Variants in EDARADD observed in about 807,000 individuals in gnomAD.
The protein encoded by EDARADD is ectodysplasin-A receptor-associated adapter protein.
Under a neutral mutation model 25.6 loss-of-function variants are expected in EDARADD, and 20 were observed. That is an observed-to-expected ratio of 0.78 (90% CI 0.55 to 1.14). The LOEUF (loss-of-function observed/expected upper bound fraction) is 1.14. Ranked by LOEUF, EDARADD falls within the 50% of genes most tolerant of loss-of-function variation. The pLI is 0.00. For synonymous variants in EDARADD, 86 were observed against 94.4 expected (o/e 0.91, Z 0.52); for missense variants, 225 against 270.1 (o/e 0.83, Z 1.17).
rs753187987 is a variant in EDARADD, at chr1:236,484,065, T to A, written c.*1416T>A. 6 of 1,576,634 alleles carry A rather than the reference T, an allele frequency of 3.8e-6. No individual in the cohort carries two copies. Among genetic ancestry groups the A allele is most frequent in the Non-Finnish European group, 5.2e-6 (6 of 1,147,406 alleles). On this transcript the variant is annotated 3_prime_UTR_variant, in exon 6 of 6. Coordinates refer to ENST00000334232, the MANE Select transcript of EDARADD (RefSeq NM_145861.4). The surrounding 1 kb of genome is among the most constrained non-coding windows in gnomAD (Gnocchi z 4.1). ...TGAAGATCCCTTTGACCAGGATGACTGGGGAGCTTGGCAGAAGTTCACGGC... is the reference window on the plus strand; with the variant it reads ...TGAAGATCCCTTTGACCAGGATGACAGGGGAGCTTGGCAGAAGTTCACGGC...
At chr1:236,445,920 G>A (rs1323829474) in intron 4 of EDARADD, among the ~76,000 whole-genome samples, 1 of 152,142 alleles carries the variant, frequency 6.6e-6, no homozygotes, top group Non-Finnish European at 1.5e-5. Context: ...CACCCCTGTT[G>A]GAACCAATCA....
chr1:236,392,827 G>A (rs751752621), upstream of EDARADD, among the ~76,000 whole-genome samples: 12 of 152,012 alleles, frequency 7.9e-5, no homozygotes, highest in Non-Finnish European at 1.5e-4. Flanking sequence ...CTGTCACCAC[G>A]CCCAGCTAAT....
chr1:236,394,580 T>A lies in EDARADD; in HGVS notation c.61+75T>A, dbSNP rs549970889. On this transcript the variant is annotated intron_variant, in intron 1 of 5. Coordinates refer to ENST00000334232, the MANE Select transcript of EDARADD (RefSeq NM_145861.4). ...GCCAGAGGTTGCTTATTTACGATAATTCTTGGATATATTATACACTAAATA... is the reference window on the plus strand; with the variant it reads ...GCCAGAGGTTGCTTATTTACGATAAATCTTGGATATATTATACACTAAATA... 9 of 1,363,080 alleles carry A rather than the reference T, an allele frequency of 6.6e-6. 1 individual carries two copies. Among genetic ancestry groups the A allele is most frequent in the Non-Finnish European group, 9.3e-6 (9 of 970,050 alleles). 84.4% of individuals were successfully genotyped at this position (1,363,080 alleles called of 1,614,324 possible). A position where few individuals can be genotyped will look rare whatever the true frequency, so the allele number is the denominator to read the frequency against.
chr1:236,483,147 A>G lies in EDARADD; in HGVS notation c.*498A>G. 2.0e-6 allele frequency: 3 copies of G among 1,490,064 alleles called. No individual in the cohort carries two copies. The highest frequency in any genetic ancestry group is 1.1e-5 in the South Asian group (1 of 88,472). 92.3% of individuals were successfully genotyped at this position (1,490,064 alleles called of 1,614,324 possible). A position where few individuals can be genotyped will look rare whatever the true frequency, so the allele number is the denominator to read the frequency against. ...ACTTCTCTCCTAGGCAATGAGACCCAGTGGCTAGAAATTCACCATGTCTAT... is the reference window on the plus strand; with the variant it reads ...ACTTCTCTCCTAGGCAATGAGACCCGGTGGCTAGAAATTCACCATGTCTAT... On this transcript the variant is annotated 3_prime_UTR_variant, in exon 6 of 6. Transcript: ENST00000334232.
chr1:236,465,440 T>C (rs1341307330), intron 4 of EDARADD, among the ~76,000 whole-genome samples: 1 of 152,286 alleles, frequency 6.6e-6, no homozygotes, highest in African/African-American at 2.4e-5. Context: ...GCCCCTCCCA[T>C]TGCCTTTGCT....
At chr1:236,375,429 G>A (rs1381759360) in intron 3 of EDARADD, among the ~76,000 whole-genome samples, 2 of 152,092 alleles carry the variant, frequency 1.3e-5, no homozygotes, top group Admixed American at 6.6e-5. Context: ...GCCAAGGTGG[G>A]TGAATCACCT....
Position 236,395,366 on chromosome 1 carries a change from C to A in EDARADD, c.61+861C>A. The A allele has an allele frequency of 7.4e-7, 1 of 1,348,698 alleles. No homozygotes were observed. The highest frequency in any genetic ancestry group is 9.5e-7 in the Non-Finnish European group (1 of 1,050,086). The allele number at this position is 1,348,698 out of a possible 1,614,324, so 83.5% of individuals were successfully genotyped here. On this transcript the variant is annotated intron_variant, in intron 1 of 5. Transcript: ENST00000334232. The surrounding 1 kb of genome is among the most constrained non-coding windows in gnomAD (Gnocchi z 6.9). ...GGTCGCGGCACCCCGGCTCCCGCCC[C>A]GCGCCTCTGGAGGGAGGTACCGAGG...
chr1:236,357,308 C>T (rs527239675), intron 3 of EDARADD, among the ~76,000 whole-genome samples: 9 of 152,136 alleles, frequency 5.9e-5, no homozygotes, highest in African/African-American at 7.2e-5. Flanking sequence ...CAAAATACTG[C>T]GTTAGTCTGT....
chr1:236,384,354 G>T (rs1380720400), intron 3 of EDARADD, among the ~76,000 whole-genome samples: 1 of 152,174 alleles, frequency 6.6e-6, no homozygotes, highest in Non-Finnish European at 1.5e-5. Flanking sequence ...TAACTCATTA[G>T]TATTTTAATT....
intron 5 of EDARADD, among the ~76,000 whole-genome samples, chr1:236,469,816 G>A (rs576341571): frequency 4.6e-5 from 7 of 151,966 alleles, no homozygotes; most frequent in Admixed American, 2.0e-4. Flanking sequence ...TTCTTGAGAC[G>A]GAGTTTCGCA....
chr1:236,429,219 A>ATTTTT lies in EDARADD; in HGVS notation c.219+1784_219+1788dup, dbSNP rs754804481. On this transcript the variant is annotated intron_variant, in intron 4 of 5. Transcript: ENST00000334232. ...GGGAGCGGGAGCGGGAGAGGGAGAG[A>ATTTTT]TTTTTTTTTTTTTTTTTTTGAGGCA... 5.2e-4 allele frequency among the ~76,000 whole-genome samples: 63 copies of ATTTTT among 122,140 alleles called. 1 individual carries two copies. Among genetic ancestry groups the ATTTTT allele is most frequent in the African/African-American group, 1.9e-3 (62 of 32,052 alleles). 80.1% of individuals were successfully genotyped at this position (122,140 alleles called of 152,430 possible). A position where few individuals can be genotyped will look rare whatever the true frequency, so the allele number is the denominator to read the frequency against.
At chr1:236,408,678 G>A (rs903700617) in intron 1 of EDARADD, among the ~76,000 whole-genome samples, 3 of 151,996 alleles carry the variant, frequency 2.0e-5, no homozygotes, top group Admixed American at 2.0e-4. Flanking sequence ...GGAAGCTCAA[G>A]GTTGTAGTGA....
At chr1:236,414,799 G>A (rs185287148) in intron 3 of EDARADD, among the ~76,000 whole-genome samples, 152 of 152,194 alleles carry the variant, frequency 1.0e-3, no homozygotes, top group African/African-American at 3.3e-3. Context: ...CTTGAACCTG[G>A]GAGGCAGAGG....
At chr1:236,420,282 C>A (rs569441776) in intron 3 of EDARADD, among the ~76,000 whole-genome samples, 1 of 152,300 alleles carries the variant, frequency 6.6e-6, no homozygotes, top group South Asian at 2.1e-4. Context: ...ACTTTTCAAC[C>A]CTGAGTTAAA....
chr1:236,392,099 A>ATT (rs2102998905), upstream of EDARADD, among the ~76,000 whole-genome samples: 1 of 152,294 alleles, frequency 6.6e-6, no homozygotes, highest in African/African-American at 2.4e-5. Context: ...AGGGCTTGGA[A>ATT]TTTTGTTTTG....
chr1:236,425,045 G>C (rs962503812), intron 3 of EDARADD, among the ~76,000 whole-genome samples: 2 of 152,186 alleles, frequency 1.3e-5, no homozygotes, highest in African/African-American at 4.8e-5. Context: ...CCCCGTCGCA[G>C]GCAGCCACCT....
At chr1:236,393,538 G>T (rs1667460116), upstream of EDARADD, among the ~76,000 whole-genome samples, 2 of 151,922 alleles carry the variant, frequency 1.3e-5, no homozygotes, top group South Asian at 4.2e-4. Context: ...TGGGAGTACA[G>T]GCATGTGCCA....
chr1:236,395,647 C>T lies in EDARADD; in HGVS notation c.61+1142C>T. The T allele has an allele frequency of 6.3e-7, 1 of 1,576,358 alleles. No individual in the cohort carries two copies. Among genetic ancestry groups the T allele is most frequent in the Non-Finnish European group, 8.6e-7 (1 of 1,163,668 alleles). ...CCGCCGCCATGGCTTCACCGGACGA[C>T]CCTCTGCGCGCAGGTAAAGGGACAC... On this transcript the variant is annotated intron_variant, in intron 1 of 5. Transcript: ENST00000334232. The surrounding 1 kb of genome is among the most constrained non-coding windows in gnomAD (Gnocchi z 6.9).
At chr1:236,392,719 G>T (rs1270912398), upstream of EDARADD, among the ~76,000 whole-genome samples, 1 of 152,002 alleles carries the variant, frequency 6.6e-6, no homozygotes, top group African/African-American at 2.4e-5. Flanking sequence ...CACCCAGGCT[G>T]GAGTGCAGTG....
Sources: allele counts gnomAD v4.1 joint callset (sites outside exome capture counted in the v4.1 genomes callset), GRCh38; gene constraint gnomAD v4.1.1; non-coding constraint Gnocchi (gnomAD v3.1); transcripts MANE v1.5; gene names NCBI Gene and HGNC (gene_info 2026-07-23, HGNC 2026-07-21).